Variants in TMEM178B observed in about 807,000 individuals in gnomAD.
The protein encoded by TMEM178B is transmembrane protein 178B.
TMEM178B carries 5 observed loss-of-function variants against 31.0 expected under a neutral mutation model. The ratio of observed to expected loss-of-function variants is 0.16; its 90% CI spans 0.08 to 0.34. The LOEUF is 0.34. Ranked by LOEUF, TMEM178B falls within the 10% of genes least tolerant of loss-of-function variation. The probability of loss-of-function intolerance (pLI) is 1.00; values close to 1 mark genes in which losing one functional copy is unlikely to be tolerated. For missense variants in TMEM178B, 275 were observed against 400.3 expected, an observed-to-expected ratio of 0.69 and a Z score of 2.67; for synonymous variants, 164 against 164.0, an observed-to-expected ratio of 1.00 and a Z score of 0.00.
At chr7:141,077,616 A>C (rs185466415) in intron 1 of TMEM178B, among the ~76,000 whole-genome samples, 1 of 152,186 alleles carries the variant, frequency 6.6e-6, no homozygotes, top group East Asian at 1.9e-4. Context: ...ATTTGTTTGC[A>C]TTATTAAACT....
chr7:141,190,407 G>A (rs1796678283), intron 1 of TMEM178B, among the ~76,000 whole-genome samples: 1 of 151,622 alleles, frequency 6.6e-6, no homozygotes, highest in Non-Finnish European at 1.5e-5. Context: ...TTGACCTCCT[G>A]GGCTCAAGAA....
chr7:141,480,124 G>A lies in TMEM178B; in HGVS notation c.*9338G>A, dbSNP rs558316886. 2.6e-5 allele frequency: 4 copies of A among 152,290 alleles called. No homozygotes were observed. Among genetic ancestry groups the A allele is most frequent in the South Asian group, 4.1e-4 (2 of 4,824 alleles). 9.4% of individuals were successfully genotyped at this position (152,290 alleles called of 1,614,324 possible). Reference sequence around the variant, plus strand: ...AGGGAAGTGGGAGGGGGGATGAAAAGGGAAATTGCCAGGTTCCTGTGACTT... The same window carrying A: ...AGGGAAGTGGGAGGGGGGATGAAAAAGGAAATTGCCAGGTTCCTGTGACTT... On this transcript the variant is annotated 3_prime_UTR_variant, in exon 4 of 4. Coordinates refer to ENST00000565468, the MANE Select transcript of TMEM178B (RefSeq NM_001195278.2).
chr7:141,371,356 C>T (rs1296726734), intron 2 of TMEM178B, among the ~76,000 whole-genome samples: 2 of 152,084 alleles, frequency 1.3e-5, no homozygotes, highest in Non-Finnish European at 2.9e-5. Flanking sequence ...AAATGATCTG[C>T]ACACCCTGGC....
chr7:141,235,081 G>A (rs531445680), intron 2 of TMEM178B, among the ~76,000 whole-genome samples: 212 of 152,294 alleles, frequency 1.4e-3, no homozygotes, highest in African/African-American at 4.9e-3. Flanking sequence ...ATGTTCTAGA[G>A]TATTAGCATT....
At chr7:141,323,153 A>G (rs574624849) in intron 2 of TMEM178B, among the ~76,000 whole-genome samples, 2 of 152,314 alleles carry the variant, frequency 1.3e-5, no homozygotes, top group South Asian at 2.1e-4. Flanking sequence ...ACCTTGGTAA[A>G]TGTTAAAGAG....
At chr7:141,228,517 C>T (rs1797382739) in intron 2 of TMEM178B, among the ~76,000 whole-genome samples, 1 of 152,138 alleles carries the variant, frequency 6.6e-6, no homozygotes, top group South Asian at 2.1e-4. Flanking sequence ...AATAATTCAA[C>T]ACCATCCCAG....
chr7:141,405,546 AG>A (rs1332265621), intron 2 of TMEM178B, among the ~76,000 whole-genome samples: 1 of 152,208 alleles, frequency 6.6e-6, no homozygotes, highest in Non-Finnish European at 1.5e-5. Flanking sequence ...CTTATATAAA[AG>A]TTCTTTAATA....
chr7:141,102,104 G>A (rs1329380604), intron 1 of TMEM178B, among the ~76,000 whole-genome samples: 1 of 152,126 alleles, frequency 6.6e-6, no homozygotes, highest in Admixed American at 6.6e-5. Context: ...CTGTAAAGAG[G>A]TTAGCAACCC....
At chr7:141,143,710 G>A (rs1287605082) in intron 1 of TMEM178B, among the ~76,000 whole-genome samples, 1 of 151,868 alleles carries the variant, frequency 6.6e-6, no homozygotes, top group Non-Finnish European at 1.5e-5. Flanking sequence ...CTTTTTTTTG[G>A]GTCCATATAA....
chr7:141,114,166 A>G (rs1001953564), intron 1 of TMEM178B, among the ~76,000 whole-genome samples: 1 of 152,258 alleles, frequency 6.6e-6, no homozygotes, highest in Non-Finnish European at 1.5e-5. Context: ...CTTTCAGCAT[A>G]GCATCGTACT....
chr7:141,214,179 A>T (rs1012773536), intron 2 of TMEM178B, among the ~76,000 whole-genome samples: 1 of 152,246 alleles, frequency 6.6e-6, no homozygotes, highest in South Asian at 2.1e-4. Context: ...GTCCCTTCTT[A>T]GGAGCCTAAA....
chr7:141,456,815 C>T (rs929783118), intron 3 of TMEM178B, among the ~76,000 whole-genome samples: 1 of 152,194 alleles, frequency 6.6e-6, no homozygotes, highest in African/African-American at 2.4e-5. Context: ...ATGGCACGCT[C>T]TAAGTGGCTT....
intron 2 of TMEM178B, among the ~76,000 whole-genome samples, chr7:141,257,322 G>A (rs1668265187): frequency 1.3e-5 from 2 of 152,116 alleles, no homozygotes; most frequent in African/African-American, 4.8e-5. Flanking sequence ...TCTTTCTCTG[G>A]TTCTAACTTC....
Position 141,074,665 on chromosome 7 carries a change from C to T in TMEM178B, c.355C>T (p.Pro119Ser). ...WRKCHRQGFD[P>S]EIAALIRKGE... ...GAAGTGCCACCGGCAGGGCTTCGAC[C>T]CCGAGATCGCCGCCCTCATTCGGAA... Residue 119 changes from proline (P) to serine (S), a missense_variant, in exon 1 of 4, where the codon CCC becomes TCC. Transcript: ENST00000565468. The surrounding 1 kb of genome is among the most constrained non-coding windows in gnomAD (Gnocchi z 5.1). 3.3e-6 allele frequency: 5 copies of T among 1,517,216 alleles called. No individual in the cohort carries two copies. The highest frequency in any genetic ancestry group is 4.4e-6 in the Non-Finnish European group (5 of 1,134,174). The allele number at this position is 1,517,216 out of a possible 1,614,324, so 94.0% of individuals were successfully genotyped here.
At chr7:141,126,582 A>G (rs1392996821) in intron 1 of TMEM178B, among the ~76,000 whole-genome samples, 1 of 152,190 alleles carries the variant, frequency 6.6e-6, no homozygotes, top group Admixed American at 6.5e-5. Flanking sequence ...CCTGCTTAGT[A>G]AGTGGAAAAC....
chr7:141,278,018 T>TTA (rs980031644), intron 2 of TMEM178B, among the ~76,000 whole-genome samples: 16 of 152,204 alleles, frequency 1.1e-4, no homozygotes, highest in Non-Finnish European at 2.4e-4. Context: ...TGGAGACTAA[T>TTA]AACAATAAAT....
intron 2 of TMEM178B, among the ~76,000 whole-genome samples, chr7:141,433,862 G>A (rs891021484): frequency 2.0e-5 from 3 of 152,142 alleles, no homozygotes; most frequent in Admixed American, 1.3e-4. Flanking sequence ...AGGTTTTCAG[G>A]GTGATGTGAA....
At position 141,470,831 on chromosome 7, in the gene TMEM178B, TA is replaced by T; in HGVS notation, c.*47del. 4.1e-6 allele frequency: 4 copies of T among 965,028 alleles called. No individual in the cohort carries two copies. Among genetic ancestry groups the T allele is most frequent in the Non-Finnish European group, 5.1e-6 (4 of 778,370 alleles). 59.8% of individuals were successfully genotyped at this position (965,028 alleles called of 1,614,324 possible). On this transcript the variant is annotated 3_prime_UTR_variant, in exon 4 of 4. Transcript: ENST00000565468. ...ATATATATATATAAATATATATATA[TA>T]ATATACATATATAAAACAAAACAAA...
At chr7:141,129,437 T>G (rs1795558874) in intron 1 of TMEM178B, among the ~76,000 whole-genome samples, 1 of 152,196 alleles carries the variant, frequency 6.6e-6, no homozygotes, top group Non-Finnish European at 1.5e-5. Context: ...AACAGCTCAA[T>G]TAATCTTTAC....
Sources: gnomAD v4.1 joint callset for allele counts (sites outside exome capture counted in the v4.1 genomes callset) on GRCh38, gnomAD v4.1.1 for gene constraint, Gnocchi (gnomAD v3.1) non-coding constraint, MANE v1.5 for transcripts, NCBI Gene and HGNC (gene_info 2026-07-23, HGNC 2026-07-21) for gene names.